The following KIAA1958 variants were observed in gnomAD, a reference collection of about 807,000 sequenced individuals.
KIAA1958 encodes KIAA1958, also known as uncharacterized protein KIAA1958.
A neutral mutation model predicts 47.2 loss-of-function variants in KIAA1958; 14 were observed. The ratio of observed to expected loss-of-function variants is 0.30; its 90% confidence interval spans 0.20 to 0.46. The LOEUF is 0.46. Among genes scored for constraint, KIAA1958 ranks in the 20% least tolerant of loss-of-function variants. The pLI, the probability that KIAA1958 is intolerant of heterozygous loss-of-function variation, is 1.00. For synonymous variants in KIAA1958, 354 were observed against 353.3 expected (o/e 1.00, Z -0.02); for missense variants, 803 against 909.2 (o/e 0.88, Z 1.50).
At chr9:112,557,175 G>A (rs544091001) in intron 1 of KIAA1958, among the ~76,000 whole-genome samples, 54 of 152,036 alleles carry the variant, frequency 3.6e-4, no homozygotes, top group African/African-American at 9.6e-4. Flanking sequence ...ACCTAGGCTG[G>A]CCTTGAATAC....
In KIAA1958 at chr9:112,663,921, A is replaced by T. The variant is rs1018402212; in HGVS notation, c.*3852A>T. On this transcript the variant is annotated 3_prime_UTR_variant, in exon 4 of 4. Transcript: ENST00000337530. The stretch of plus-strand genomic sequence containing the variant: ...ACATAGTCATTAGGAGAATCTGGAC[A>T]AAGTAATACTCTTGTAGAAACGGAA... The T allele has an allele frequency of 6.6e-6, 1 of 152,272 alleles. No homozygotes were observed. Among genetic ancestry groups the T allele is most frequent in the Admixed American group, 6.5e-5 (1 of 15,286 alleles). 9.4% of individuals were successfully genotyped at this position (152,272 alleles called of 1,614,324 possible). A position where few individuals can be genotyped will look rare whatever the true frequency, so the allele number is the denominator to read the frequency against.
chr9:112,496,700 C>A (rs1834056834), intron 1 of KIAA1958, among the ~76,000 whole-genome samples: 1 of 152,172 alleles, frequency 6.6e-6, no homozygotes, highest in South Asian at 2.1e-4. Context: ...TTCTAGTCCA[C>A]GGTGTTCTTC....
At chr9:112,639,871 A>T (rs549151120) in intron 2 of KIAA1958, among the ~76,000 whole-genome samples, 3 of 152,348 alleles carry the variant, frequency 2.0e-5, no homozygotes, top group Admixed American at 2.0e-4. Flanking sequence ...GTTCAGGAAA[A>T]AAAGGGAAGA....
chr9:112,568,219 T>C (rs1435847447), intron 1 of KIAA1958, among the ~76,000 whole-genome samples: 2 of 152,066 alleles, frequency 1.3e-5, no homozygotes, highest in Non-Finnish European at 2.9e-5. Context: ...CAGGAAGAAA[T>C]AGCTTTTACA....
At chr9:112,622,314 A>T (rs1836523527) in intron 2 of KIAA1958, among the ~76,000 whole-genome samples, 1 of 152,224 alleles carries the variant, frequency 6.6e-6, no homozygotes, top group African/African-American at 2.4e-5. Flanking sequence ...GATCAATGTA[A>T]TGTCATGTAA....
intron 3 of KIAA1958, among the ~76,000 whole-genome samples, chr9:112,656,970 C>T (rs551243779): frequency 1.3e-5 from 2 of 152,250 alleles, no homozygotes; most frequent in Non-Finnish European, 2.9e-5. Context: ...TCCTTTCTCA[C>T]TCTCTTTATA....
chr9:112,528,474 G>C lies in KIAA1958; in HGVS notation c.-25+41356G>C, dbSNP rs1331722470. Among the ~76,000 whole-genome samples, 7 of 152,082 alleles carry C rather than the reference G, an allele frequency of 4.6e-5. No homozygotes were observed. In the East Asian group the frequency reaches 1.2e-3, roughly 25 times the overall value. The stretch of plus-strand genomic sequence containing the variant: ...TTGTATCATTGTCATCTGTATATCA[G>C]CCAGGCTCTCACCTTCCTCCCTCAC... On this transcript the variant is annotated intron_variant, in intron 1 of 3. Transcript: ENST00000337530.
intron 1 of KIAA1958, among the ~76,000 whole-genome samples, chr9:112,570,026 A>G (rs1835506644): frequency 6.6e-6 from 1 of 152,250 alleles, no homozygotes. Context: ...TGAATTGTAT[A>G]TAGTTGATAA....
At chr9:112,628,026 A>C (rs1836647936) in intron 2 of KIAA1958, among the ~76,000 whole-genome samples, 1 of 152,200 alleles carries the variant, frequency 6.6e-6, no homozygotes, top group African/African-American at 2.4e-5. Context: ...GTTAAAATTT[A>C]ATATGGGAGG....
intron 2 of KIAA1958, among the ~76,000 whole-genome samples, chr9:112,584,534 T>A (rs1835790233): frequency 6.6e-6 from 1 of 152,246 alleles, no homozygotes; most frequent in Admixed American, 6.5e-5. Context: ...TATATTTGTT[T>A]ATGGACAAGG....
chr9:112,587,520 G>A (rs1333011726), intron 2 of KIAA1958, among the ~76,000 whole-genome samples: 1 of 152,114 alleles, frequency 6.6e-6, no homozygotes, highest in East Asian at 1.9e-4. Flanking sequence ...TTTTATGCTT[G>A]CTTTAGGTAA....
chr9:112,506,559 C>G (rs893746387), intron 1 of KIAA1958, among the ~76,000 whole-genome samples: 1 of 152,126 alleles, frequency 6.6e-6, no homozygotes, highest in Non-Finnish European at 1.5e-5. Context: ...CGTGTTTATA[C>G]ATGTTTGTGA....
chr9:112,618,914 T>A lies in KIAA1958; in HGVS notation c.1172-26736T>A. On this transcript the variant is annotated intron_variant, in intron 2 of 3. Coordinates refer to ENST00000337530, the MANE Select transcript of KIAA1958 (RefSeq NM_133465.4). The surrounding 1 kb of genome is among the most constrained non-coding windows in gnomAD (Gnocchi z 7.1). ...CTATGACTCTTCCTCAGACACCGCT[T>A]GACCAGGTGGCTTGAGCAAGACTCC... The A allele has an allele frequency of 6.6e-7, 1 of 1,525,062 alleles. No individual in the cohort carries two copies. Among genetic ancestry groups the A allele is most frequent in the South Asian group, 1.2e-5 (1 of 81,090 alleles). The allele number at this position is 1,525,062 out of a possible 1,614,324, so 94.5% of individuals were successfully genotyped here. A position where few individuals can be genotyped will look rare whatever the true frequency, so the allele number is the denominator to read the frequency against.
At chr9:112,571,651 A>G (rs989747739) in intron 1 of KIAA1958, among the ~76,000 whole-genome samples, 5 of 151,994 alleles carry the variant, frequency 3.3e-5, no homozygotes, top group Non-Finnish European at 5.9e-5. Context: ...ATTAATAGCT[A>G]TGTTAAGTTC....
At position 112,487,602 on chromosome 9, in the gene KIAA1958, C is replaced by T. The variant is rs1316101814; in HGVS notation, c.-25+484C>T. ...AGGGCTCTGCCCCACTAGTTTTCCT[C>T]CTCGGGTGGCTCGCCGAGGTGCGTT... On this transcript the variant is annotated intron_variant, in intron 1 of 3. Coordinates refer to ENST00000337530, the MANE Select transcript of KIAA1958 (RefSeq NM_133465.4). Among the ~76,000 whole-genome samples, 3 of 152,286 alleles carry T rather than the reference C, an allele frequency of 2.0e-5. No individual in the cohort carries two copies. The East Asian group carries it at 5.8e-4, about 29-fold the overall frequency.
At chr9:112,609,138 A>G (rs1209304271) in intron 2 of KIAA1958, among the ~76,000 whole-genome samples, 1 of 152,228 alleles carries the variant, frequency 6.6e-6, no homozygotes, top group Non-Finnish European at 1.5e-5. Context: ...CTTGACATAT[A>G]TTCACATATA....
At chr9:112,642,907 A>T (rs1391480208) in intron 2 of KIAA1958, among the ~76,000 whole-genome samples, 1 of 152,246 alleles carries the variant, frequency 6.6e-6, no homozygotes, top group African/African-American at 2.4e-5. Flanking sequence ...ATGTAAGCAG[A>T]TAAGTATTCT....
chr9:112,633,165 A>T (rs1337670293), intron 2 of KIAA1958, among the ~76,000 whole-genome samples: 3 of 151,760 alleles, frequency 2.0e-5, no homozygotes, highest in African/African-American at 7.3e-5. Flanking sequence ...CTAACTTACA[A>T]ATAGTAATTT....
intron 1 of KIAA1958, among the ~76,000 whole-genome samples, chr9:112,494,599 C>CT (rs775492740): frequency 2.0e-5 from 3 of 151,788 alleles, no homozygotes; most frequent in African/African-American, 4.8e-5. Flanking sequence ...CCCCAAGTAG[C>CT]TGGGACTACA....
Sources: gnomAD v4.1 joint callset for allele counts (sites outside exome capture counted in the v4.1 genomes callset) on GRCh38, gnomAD v4.1.1 for gene constraint, Gnocchi (gnomAD v3.1) non-coding constraint, MANE v1.5 for transcripts, NCBI Gene and HGNC (gene_info 2026-07-23, HGNC 2026-07-21) for gene names.